Variants in SLC22A31 observed in about 807,000 individuals in gnomAD.
The protein encoded by SLC22A31 is solute carrier family 22 member 31.
Under a neutral mutation model 27.4 loss-of-function variants are expected in SLC22A31, and 42 were observed. That is an observed-to-expected ratio of 1.53 (90% confidence interval 1.20 to 1.98). The LOEUF (loss-of-function observed/expected upper bound fraction) is 1.98. SLC22A31 is among the 30% of genes most tolerant of loss of function. The pLI, the probability that SLC22A31 is intolerant of heterozygous loss-of-function variation, is 0.00. For missense variants in SLC22A31, 593 were observed against 479.9 expected (o/e 1.24, Z -2.20); for synonymous variants, 290 against 230.8 (o/e 1.26, Z -2.33).
In SLC22A31 at chr16:89,195,788, C is replaced by T; in HGVS notation, c.*211G>A. Reference sequence around the variant, plus strand: ...CCACAGAAGCCTTTATCCTCCACACCTACTGGGTGTGGCTGGGGGGAGACC... The same window carrying T: ...CCACAGAAGCCTTTATCCTCCACACTTACTGGGTGTGGCTGGGGGGAGACC... On this transcript the variant is annotated 3_prime_UTR_variant, in exon 9 of 9. Transcript: ENST00000682282. The T allele has an allele frequency of 1.9e-6, 1 of 522,802 alleles. No individual in the cohort carries two copies. The highest frequency in any genetic ancestry group is 3.3e-6 in the Non-Finnish European group (1 of 304,640). 32.4% of individuals were successfully genotyped at this position (522,802 alleles called of 1,614,324 possible). A position where few individuals can be genotyped will look rare whatever the true frequency, so the allele number is the denominator to read the frequency against.
At chr16:89,197,217 AGGGCCTCCTGTCCACCT>A (rs1033339326) in intron 8 of SLC22A31, 64 bp downstream of exon 8, 1 of 1,101,574 alleles carries the variant, frequency 9.1e-7, no homozygotes, top group African/African-American at 1.6e-5. Flanking sequence ...GTATGGGGAC[AGGGCCTCCTGTCCACCT>A]GGCCCCTCCT....
At chr16:89,197,683 C>T (rs1016265370) in intron 7 of SLC22A31, among the ~76,000 whole-genome samples, 1 of 152,206 alleles carries the variant, frequency 6.6e-6, no homozygotes, top group Non-Finnish European at 1.5e-5. Context: ...CTGTGCTGTC[C>T]ACTGTCTTTG....
rs1916185635 is a variant in SLC22A31, at chr16:89,198,392, T to C, written c.707+50A>G. On this transcript the variant is annotated intron_variant, in intron 6 of 8. Coordinates refer to ENST00000682282, the MANE Select transcript of SLC22A31 (RefSeq NM_001384763.1). ...CCAGAGCCGGGGACTCTGGGGACCATATGCCCACCCCGGGGGATGGTGCAG... is the reference window on the plus strand; with the variant it reads ...CCAGAGCCGGGGACTCTGGGGACCACATGCCCACCCCGGGGGATGGTGCAG... The C allele has an allele frequency of 2.6e-6, 4 of 1,530,892 alleles. No individual in the cohort carries two copies. The East Asian group carries it at 9.8e-5, about 37-fold the overall frequency. 94.8% of individuals were successfully genotyped at this position (1,530,892 alleles called of 1,614,324 possible).
chr16:89,198,017 T>C, intron 7 of SLC22A31, 105 bp downstream of exon 7: 1 of 1,275,708 alleles, frequency 7.8e-7, no homozygotes, highest in South Asian at 1.5e-5. Context: ...GGCCTTGGGC[T>C]GCCACCCCAG....
At chr16:89,201,661 C>T (rs1273839499), upstream of SLC22A31, 2 of 396,688 alleles carry the variant, frequency 5.0e-6, no homozygotes, top group African/African-American at 4.1e-5. Context: ...GCCTCCTGCT[C>T]CATCGGTCGC....
intron 7 of SLC22A31, 30 bp downstream of exon 7, chr16:89,198,092 C>G: frequency 1.3e-6 from 2 of 1,532,134 alleles, no homozygotes; most frequent in Non-Finnish European, 1.7e-6. Flanking sequence ...CACAATGGCT[C>G]CTGTATGGCC....
In SLC22A31 at chr16:89,195,802, T is replaced by TG. The variant is rs1915825379; in HGVS notation, c.*196dup. 1 of 554,986 alleles carries TG rather than the reference T, an allele frequency of 1.8e-6. No individual in the cohort carries two copies. Among genetic ancestry groups the TG allele is most frequent in the South Asian group, 3.0e-5 (1 of 32,788 alleles). 34.4% of individuals were successfully genotyped at this position (554,986 alleles called of 1,614,324 possible). On this transcript the variant is annotated 3_prime_UTR_variant, in exon 9 of 9. Transcript: ENST00000682282. Reference sequence around the variant, plus strand: ...ATCCTCCACACCTACTGGGTGTGGCTGGGGGGAGACCCAGGGCCTCCCAGT... The same window carrying TG: ...ATCCTCCACACCTACTGGGTGTGGCTGGGGGGGAGACCCAGGGCCTCCCAGT...
rs767746325 is a variant in SLC22A31, at chr16:89,198,753, G to A, written c.497C>T (p.Thr166Ile). The change falls in exon 5 of 9, where the codon ACA becomes ATA. Residue 166 changes from threonine to isoleucine, a missense_variant. Physicochemically the swap from Thr to Ile is moderately conservative, Grantham distance 89. Transcript: ENST00000682282. ...FPESPCWLLA[T>I]GQVARARKIL... is the part of the protein sequence containing the mutation. ...CTTCCTGGCTCGAGCTACCTGACCT[G>A]TGGCCAGCAGCCAGCAGGGAGACTC... The A allele has an allele frequency of 8.3e-5, 127 of 1,535,094 alleles. 3 individuals are homozygous for A. The South Asian group carries it at 1.4e-3, about 17-fold the overall frequency.
At chr16:89,201,233 G>T, upstream of SLC22A31, 1 of 371,690 alleles carries the variant, frequency 2.7e-6, no homozygotes, top group Non-Finnish European at 4.8e-6. Flanking sequence ...GGCGGGGAGG[G>T]CTGCGGGGCA....
rs1007864455 is a variant in SLC22A31 at position 89,198,752 on chromosome 16, T to C, written c.498A>G (p.Thr166=). 10 of 1,535,028 alleles carry C rather than the reference T, an allele frequency of 6.5e-6. No homozygotes were observed. The highest frequency in any genetic ancestry group is 1.2e-5 in the South Asian group (1 of 84,056). Residue 166 remains threonine (T), a synonymous_variant, in exon 5 of 9, where the codon ACA becomes ACG. Coordinates refer to ENST00000682282, the MANE Select transcript of SLC22A31 (RefSeq NM_001384763.1). Reference sequence around the variant, plus strand: ...TCTTCCTGGCTCGAGCTACCTGACCTGTGGCCAGCAGCCAGCAGGGAGACT... The same window carrying C: ...TCTTCCTGGCTCGAGCTACCTGACCCGTGGCCAGCAGCCAGCAGGGAGACT... ...FPESPCWLLA[T]GQVARARKIL...
In SLC22A31 at chr16:89,198,896, G is replaced by A; in HGVS notation, c.453-99C>T. 6 of 1,488,426 alleles carry A rather than the reference G, an allele frequency of 4.0e-6. No homozygotes were observed. In the South Asian group the frequency reaches 6.5e-5, roughly 16 times the overall value. 92.2% of individuals were successfully genotyped at this position (1,488,426 alleles called of 1,614,324 possible). The stretch of plus-strand genomic sequence containing the variant: ...ACCCCACCCCCAGGCTCAGGGGCAG[G>A]ACATCACTGTAGTTCTCTGTGACCC... On this transcript the variant is annotated intron_variant, in intron 4 of 8. Transcript: ENST00000682282.
chr16:89,195,856 C>G lies in SLC22A31; in HGVS notation c.*143G>C. The G allele has an allele frequency of 4.0e-6, 4 of 988,886 alleles. No homozygotes were observed. Among genetic ancestry groups the G allele is most frequent in the Non-Finnish European group, 5.7e-6 (4 of 707,814 alleles). 61.3% of individuals were successfully genotyped at this position (988,886 alleles called of 1,614,324 possible). ...TGGGGCCTGGCTGGAGACACCTTCACGCTGTCCCCACGGCTCCACCTGCAC... is the reference window on the plus strand; with the variant it reads ...TGGGGCCTGGCTGGAGACACCTTCAGGCTGTCCCCACGGCTCCACCTGCAC... On this transcript the variant is annotated 3_prime_UTR_variant, in exon 9 of 9. Coordinates refer to ENST00000682282, the MANE Select transcript of SLC22A31 (RefSeq NM_001384763.1).
chr16:89,201,605 C>G, upstream of SLC22A31: 2 of 398,600 alleles, frequency 5.0e-6, no homozygotes, highest in Non-Finnish European at 8.9e-6. Flanking sequence ...CGGAGGCCAG[C>G]AGGCGCCGGG....
chr16:89,201,673 G>C, upstream of SLC22A31: 1 of 396,278 alleles, frequency 2.5e-6, no homozygotes. Context: ...ATCGGTCGCA[G>C]GCTGCGCTCG....
upstream of SLC22A31, among the ~76,000 whole-genome samples, chr16:89,200,667 G>A (rs1452386689): frequency 6.6e-6 from 1 of 152,164 alleles, no homozygotes; most frequent in Non-Finnish European, 1.5e-5. Context: ...ATGGGGGATG[G>A]GGGCCTCGGG....
Position 89,198,764 on chromosome 16 carries a change from C to A in SLC22A31, c.486G>T (p.Trp162Cys), listed in dbSNP as rs1017950322. The change falls in exon 5 of 9, where the codon TGG (tryptophan) becomes TGT (cysteine). Residue 162 changes from tryptophan (W) to cysteine (C), a missense_variant. By Grantham distance (215) the Trp-to-Cys change is radical. Transcript: ENST00000682282. ...GAGCTACCTGACCTGTGGCCAGCAG[C>A]CAGCAGGGAGACTCGGGGAACAGGG... ...FPALFPESPC[W>C]LLATGQVARA... The A allele has an allele frequency of 1.3e-6, 2 of 1,534,494 alleles. No homozygotes were observed. The highest frequency in any genetic ancestry group is 1.4e-5 in the African/African-American group (1 of 73,036).
Position 89,197,286 on chromosome 16 carries a change from C to G in SLC22A31, c.1034+12G>C, listed in dbSNP as rs553030701. 2 of 1,534,312 alleles carry G rather than the reference C, an allele frequency of 1.3e-6. No homozygotes were observed. Among genetic ancestry groups the G allele is most frequent in the Admixed American group, 2.0e-5 (1 of 50,948 alleles). ...GGACCCTGCTGTGTGGCCGGGCAAC[C>G]CTGAAGCTCACCTGATCACCGTGGG... On this transcript the variant is annotated intron_variant, in intron 8 of 8. Transcript: ENST00000682282.
At chr16:89,201,548 C>A, upstream of SLC22A31, 1 of 398,510 alleles carries the variant, frequency 2.5e-6, no homozygotes, top group Non-Finnish European at 4.4e-6. Context: ...TAAGCAGCTC[C>A]TCGGAGCTCA....
intron 7 of SLC22A31, among the ~76,000 whole-genome samples, chr16:89,197,861 A>T (rs1916116136): frequency 6.6e-6 from 1 of 152,200 alleles, no homozygotes; most frequent in Non-Finnish European, 1.5e-5. Flanking sequence ...GCTTTTACCC[A>T]GCCCGGCCTC....
Sources: allele counts gnomAD v4.1 joint callset (sites outside exome capture counted in the v4.1 genomes callset), GRCh38; gene constraint gnomAD v4.1.1; transcripts MANE v1.5; gene names NCBI Gene and HGNC (gene_info 2026-07-23, HGNC 2026-07-21).